Variants in UNC13B observed in about 807,000 individuals in gnomAD.
UNC13B encodes the protein unc-13 homolog B, also known as protein unc-13 homolog B.
A neutral mutation model predicts 211.0 loss-of-function variants in UNC13B; 144 were observed. That is an observed-to-expected ratio of 0.68 (90% CI 0.60 to 0.78). UNC13B has a LOEUF of 0.78. Ranked by LOEUF, UNC13B falls within the 30% of genes least tolerant of loss-of-function variation. The pLI is 0.00. For missense variants in UNC13B, 1,777 were observed against 2,002.0 expected (o/e 0.89, Z 2.14); for synonymous variants, 709 against 725.8 (o/e 0.98, Z 0.37).
intron 11 of UNC13B, among the ~76,000 whole-genome samples, chr9:35,347,863 C>G (rs1832464830): frequency 6.6e-6 from 1 of 152,160 alleles, no homozygotes; most frequent in African/African-American, 2.4e-5. Context: ...CATTTGCCCC[C>G]TGTGTGGCTG....
At chr9:35,379,211 G>A (rs1325382685) in intron 17 of UNC13B, among the ~76,000 whole-genome samples, 1 of 152,148 alleles carries the variant, frequency 6.6e-6, no homozygotes, top group African/African-American at 2.4e-5. Context: ...ACTTTGGGAG[G>A]CTGAGGCAGG....
chr9:35,398,458 C>A (rs1836037480), intron 31 of UNC13B, 96 bp from the exon 32 acceptor site: 2 of 1,396,292 alleles, frequency 1.4e-6, no homozygotes, highest in Non-Finnish European at 2.0e-6. Context: ...GAGGAATAGG[C>A]ACTGGGGTAA....
intron 6 of UNC13B, 144 bp from the exon 7 acceptor site, chr9:35,258,849 A>T: frequency 4.3e-6 from 3 of 705,308 alleles, no homozygotes; most frequent in Non-Finnish European, 7.0e-6. Context: ...CAGAGAAAAT[A>T]GGAGCAGGAT....
chr9:35,340,361 T>C (rs946841902), intron 11 of UNC13B, among the ~76,000 whole-genome samples: 1 of 152,196 alleles, frequency 6.6e-6, no homozygotes, highest in African/African-American at 2.4e-5. Flanking sequence ...GAAGCAATGT[T>C]ATTGGAAGAA....
At chr9:35,213,034 A>G (rs1217546959) in intron 1 of UNC13B, among the ~76,000 whole-genome samples, 1 of 152,190 alleles carries the variant, frequency 6.6e-6, no homozygotes, top group Non-Finnish European at 1.5e-5. Context: ...TGGTGGCTGT[A>G]TAGGTTAAGT....
intron 1 of UNC13B, among the ~76,000 whole-genome samples, chr9:35,199,429 C>A (rs1247447375): frequency 6.6e-6 from 1 of 152,156 alleles, no homozygotes; most frequent in African/African-American, 2.4e-5. Context: ...CTGTCTTCCA[C>A]AATGGTTGAA....
chr9:35,384,127 C>T lies in UNC13B; in HGVS notation c.10807-119C>T, dbSNP rs41276039. On this transcript the variant is annotated intron_variant, in intron 21 of 39. Coordinates refer to ENST00000635942, the MANE Select transcript of UNC13B (RefSeq NM_001371189.2). Reference sequence around the variant, plus strand: ...CTTCCCATGGGCAGGGATGTGTCTCCAACCCAATGCCTCCCGACTCTTTCT... The same window carrying T: ...CTTCCCATGGGCAGGGATGTGTCTCTAACCCAATGCCTCCCGACTCTTTCT... 2.9e-3 allele frequency: 4,390 copies of T among 1,498,310 alleles called. 12 individuals carry two copies. The highest frequency in any genetic ancestry group is 4.4e-3 in the Middle Eastern group (24 of 5,444). 92.8% of individuals were successfully genotyped at this position (1,498,310 alleles called of 1,614,324 possible). A position where few individuals can be genotyped will look rare whatever the true frequency, so the allele number is the denominator to read the frequency against.
intron 11 of UNC13B, among the ~76,000 whole-genome samples, chr9:35,334,764 C>T (rs1353568773): frequency 6.6e-6 from 1 of 152,162 alleles, no homozygotes; most frequent in East Asian, 1.9e-4. Flanking sequence ...TGGCCGGGCG[C>T]GGTGGCTCAC....
At chr9:35,370,481 C>CTGGTGG in intron 13 of UNC13B, 85 bp downstream of exon 13, 1 of 1,321,784 alleles carries the variant, frequency 7.6e-7, no homozygotes, top group Non-Finnish European at 1.1e-6. Context: ...GATTGGAAGT[C>CTGGTGG]GTCCATTTAA....
intron 1 of UNC13B, among the ~76,000 whole-genome samples, chr9:35,210,073 CT>C (rs1310516028): frequency 6.6e-6 from 1 of 151,834 alleles, no homozygotes; most frequent in East Asian, 1.9e-4. Context: ...TACCCAGTTA[CT>C]AAAAAAAAAA....
intron 1 of UNC13B, among the ~76,000 whole-genome samples, chr9:35,168,261 A>G (rs748990508): frequency 6.6e-6 from 1 of 152,142 alleles, no homozygotes; most frequent in Non-Finnish European, 1.5e-5. Context: ...TTTTAAGTTC[A>G]AGGGGTACAT....
rs982791660 is a variant in UNC13B at position 35,396,763 on chromosome 9, C to T, written c.11436-78C>T. The T allele has an allele frequency of 5.0e-6, 8 of 1,603,604 alleles. No homozygotes were observed. The Admixed American group carries it at 1.2e-4, about 23-fold the overall frequency. ...ACTGTGCCCTGCCATCCCGAGGACC[C>T]CAGTCTGGTGGAGCTGTCAGGAAGT... On this transcript the variant is annotated intron_variant, in intron 27 of 39. Coordinates refer to ENST00000635942, the MANE Select transcript of UNC13B (RefSeq NM_001371189.2).
chr9:35,190,135 G>A (rs751550060), intron 1 of UNC13B, among the ~76,000 whole-genome samples: 2 of 152,230 alleles, frequency 1.3e-5, no homozygotes, highest in Non-Finnish European at 2.9e-5. Context: ...TCCCCCAAAG[G>A]TGGGAGATAC....
chr9:35,374,777 T>C (rs1242850968), intron 13 of UNC13B, among the ~76,000 whole-genome samples: 1 of 152,182 alleles, frequency 6.6e-6, no homozygotes, highest in Non-Finnish European at 1.5e-5. Flanking sequence ...TAATTACCTG[T>C]TTCCTACTAT....
intron 5 of UNC13B, among the ~76,000 whole-genome samples, chr9:35,240,372 G>T (rs1200207479): frequency 1.3e-5 from 2 of 152,110 alleles, no homozygotes; most frequent in Non-Finnish European, 2.9e-5. Flanking sequence ...TTTGTATCTT[G>T]TATCCTATGG....
chr9:35,380,847 T>C (rs1227036629), intron 18 of UNC13B, among the ~76,000 whole-genome samples: 5 of 152,100 alleles, frequency 3.3e-5, no homozygotes, highest in African/African-American at 7.2e-5. Flanking sequence ...TTCTCTAGGT[T>C]TCAGAAGGCC....
chr9:35,351,288 C>A, intron 11 of UNC13B: 1 of 1,190,800 alleles, frequency 8.4e-7, no homozygotes, highest in Admixed American at 4.5e-5. Context: ...TTTCCTTTTT[C>A]ACTAGCTACA....
intron 22 of UNC13B, chr9:35,385,435 C>T (rs769997314): frequency 1.4e-4 from 134 of 985,344 alleles, no homozygotes; most frequent in Non-Finnish European, 1.6e-4. Context: ...TTTGTGTGTG[C>T]CTGTGTGTTC....
intron 1 of UNC13B, among the ~76,000 whole-genome samples, chr9:35,215,698 T>G (rs766484973): frequency 6.6e-6 from 1 of 152,240 alleles, no homozygotes; most frequent in Non-Finnish European, 1.5e-5. Context: ...CTAGTACACC[T>G]GAATATGCTA....
Sources: allele counts gnomAD v4.1 joint callset (sites outside exome capture counted in the v4.1 genomes callset), GRCh38; gene constraint gnomAD v4.1.1; transcripts MANE v1.5; gene names NCBI Gene and HGNC (gene_info 2026-07-23, HGNC 2026-07-21).